The following ASH1L variants were observed in gnomAD, a reference collection of about 807,000 sequenced individuals.
ASH1L encodes histone-lysine N-methyltransferase ASH1L.
A neutral mutation model predicts 269.0 loss-of-function variants in ASH1L; 23 were observed. The observed-to-expected ratio is 0.09, with a 90% CI of 0.06 to 0.12. ASH1L has a LOEUF of 0.12. ASH1L is among the 10% of genes least tolerant of loss of function. ASH1L has a pLI of 1.00. For missense variants in ASH1L, 2,912 were observed against 3,567.8 expected (o/e 0.82, Z 4.68); for synonymous variants, 1,187 against 1,253.5 (o/e 0.95, Z 1.12).
rs1654205632 is a variant in ASH1L at position 155,354,610 on chromosome 1, T to C, written c.7076A>G (p.His2359Arg). The C allele has an allele frequency of 1.2e-6, 2 of 1,611,960 alleles. No homozygotes were observed. The highest frequency in any genetic ancestry group is 1.7e-6 in the Non-Finnish European group (2 of 1,179,592). ...NRERNFVLKH[H>R]VFLVRNWEKI... Reference sequence around the variant, plus strand: ...CTCCCAGTTTCGGACCAAGAATACATGATGCTTTAACACAAAGTTCCTGCA... The same window carrying C: ...CTCCCAGTTTCGGACCAAGAATACACGATGCTTTAACACAAAGTTCCTGCA... Residue 2359 changes from histidine (H) to arginine (R), a missense_variant, in exon 16 of 28, where the codon CAT (histidine) becomes CGT (arginine). By Grantham distance (29) the His-to-Arg change is conservative (BLOSUM62 0). Coordinates refer to ENST00000392403, the MANE Select transcript of ASH1L (RefSeq NM_018489.3).
At chr1:155,366,472 A>G (rs910783481) in intron 12 of ASH1L, among the ~76,000 whole-genome samples, 8 of 151,884 alleles carry the variant, frequency 5.3e-5, no homozygotes, top group African/African-American at 1.9e-4. Context: ...TTATTCCTTT[A>G]CTTTCTTAAT....
chr1:155,458,939 A>T (rs1399551137), intron 4 of ASH1L, among the ~76,000 whole-genome samples: 1 of 150,678 alleles, frequency 6.6e-6, no homozygotes, highest in African/African-American at 2.4e-5. Flanking sequence ...AACAGGTATA[A>T]ATCATCCTCT....
At position 155,354,457 on chromosome 1, in the gene ASH1L, G is replaced by C; in HGVS notation, c.7213+16C>G. 5 of 1,601,250 alleles carry C rather than the reference G, an allele frequency of 3.1e-6. No homozygotes were observed. The highest frequency in any genetic ancestry group is 4.3e-6 in the Non-Finnish European group (5 of 1,174,954). ...AAACTCTGTCTCAAAAAAAAGAAATGTTTCAAATGCCTTACCAGACTTGAT... is the reference window on the plus strand; with the variant it reads ...AAACTCTGTCTCAAAAAAAAGAAATCTTTCAAATGCCTTACCAGACTTGAT... On this transcript the variant is annotated intron_variant, in intron 16 of 27. Coordinates refer to ENST00000392403, the MANE Select transcript of ASH1L (RefSeq NM_018489.3).
Position 155,378,533 on chromosome 1 carries a change from C to A in ASH1L, c.6193G>T (p.Asp2065Tyr), listed in dbSNP as rs1355338214. 3 of 1,612,820 alleles carry A rather than the reference C, an allele frequency of 1.9e-6. No homozygotes were observed. In the East Asian group the frequency reaches 6.7e-5, roughly 36 times the overall value. ...CGAATTTTCTTATATAGTGGGACAT[C>A]TGGCTTTTTGTATAGCTAGAAGAAA... Reference protein sequence around the residue: ...WKHNQLYKKPDVPLYKKIRSN... With the variant: ...WKHNQLYKKPYVPLYKKIRSN... Residue 2065 changes from aspartate (D) to tyrosine (Y), a missense_variant, in exon 9 of 28, where the codon GAT becomes TAT. Physicochemically the swap from Asp to Tyr is radical, Grantham distance 160 (BLOSUM62 -3). Around this residue, in one of 13 missense-constraint regions of ASH1L, gnomAD observed 193 missense variants for 311.6 expected, o/e 0.62. Transcript: ENST00000392403.
At chr1:155,474,709 G>T (rs1399636516) in intron 3 of ASH1L, among the ~76,000 whole-genome samples, 2 of 143,762 alleles carry the variant, frequency 1.4e-5, no homozygotes, top group Non-Finnish European at 3.1e-5. Context: ...AAAAACAAAA[G>T]AAAAAAAAAA....
intron 2 of ASH1L, among the ~76,000 whole-genome samples, chr1:155,518,285 C>A (rs1195643272): frequency 1.3e-5 from 2 of 152,018 alleles, no homozygotes; most frequent in Admixed American, 6.6e-5. Flanking sequence ...AACGATAAAA[C>A]CCTCAGGAAA....
chr1:155,550,592 T>A (rs1323416065), intron 1 of ASH1L, among the ~76,000 whole-genome samples: 1 of 152,242 alleles, frequency 6.6e-6, no homozygotes. Context: ...ATAGTTGCAC[T>A]GGGTCCTTCA....
chr1:155,555,850 G>C (rs923865551), intron 1 of ASH1L, among the ~76,000 whole-genome samples: 2 of 152,148 alleles, frequency 1.3e-5, no homozygotes, highest in African/African-American at 4.8e-5. Flanking sequence ...CTATGAAGGA[G>C]TAATTCCTCA....
At chr1:155,457,230 T>C (rs1244607082) in intron 4 of ASH1L, among the ~76,000 whole-genome samples, 1 of 152,216 alleles carries the variant, frequency 6.6e-6, no homozygotes, top group Non-Finnish European at 1.5e-5. Flanking sequence ...TCAAATAATT[T>C]ATCTTCCTTG....
chr1:155,371,200 G>C (rs1019836474), intron 10 of ASH1L, among the ~76,000 whole-genome samples: 4 of 152,174 alleles, frequency 2.6e-5, no homozygotes, highest in African/African-American at 9.7e-5. Context: ...TCTTGTAAAT[G>C]ATTAAGCTAA....
At chr1:155,485,956 GA>G (rs201851090) in intron 2 of ASH1L, among the ~76,000 whole-genome samples, 1,388 of 132,618 alleles carry the variant, frequency 0.01, 11 homozygotes, top group African/African-American at 0.029. Flanking sequence ...TGTGTCTATT[GA>G]AAAAAAAAAA....
At chr1:155,471,068 A>G (rs1665058503) in intron 3 of ASH1L, among the ~76,000 whole-genome samples, 1 of 152,188 alleles carries the variant, frequency 6.6e-6, no homozygotes, top group African/African-American at 2.4e-5. Context: ...AGACAACTAA[A>G]CCTATTCTCA....
chr1:155,454,416 T>C (rs955311344), intron 4 of ASH1L, among the ~76,000 whole-genome samples: 1 of 152,208 alleles, frequency 6.6e-6, no homozygotes, highest in Non-Finnish European at 1.5e-5. Flanking sequence ...AATACAAAGA[T>C]TATGGAAGCA....
At position 155,343,188 on chromosome 1, in the gene ASH1L, C is replaced by T. The variant is rs1212147204; in HGVS notation, c.8293+126G>A. On this transcript the variant is annotated intron_variant, in intron 24 of 27. Coordinates refer to ENST00000392403, the MANE Select transcript of ASH1L (RefSeq NM_018489.3). This position sits in a 1 kb window ranked among gnomAD's most constrained non-coding sequence, Gnocchi z 6.1. ...CAGAGGCAGAGTTTTGCCACGTTGG[C>T]CAGGCTGGTCTCACACTCCTGGGCT... The T allele has an allele frequency of 4.8e-6, 5 of 1,042,588 alleles. No individual in the cohort carries two copies. The highest frequency in any genetic ancestry group is 6.9e-6 in the Non-Finnish European group (5 of 721,876). 64.6% of individuals were successfully genotyped at this position (1,042,588 alleles called of 1,614,324 possible).
intron 17 of ASH1L, 146 bp downstream of exon 17, chr1:155,352,560 T>A: frequency 1.4e-6 from 1 of 695,258 alleles, no homozygotes; most frequent in Non-Finnish European, 2.1e-6. Flanking sequence ...ATCCCAGCAC[T>A]TTGGGAGGCC....
intron 3 of ASH1L, among the ~76,000 whole-genome samples, chr1:155,464,997 C>T (rs1159973191): frequency 6.6e-6 from 1 of 151,976 alleles, no homozygotes; most frequent in Non-Finnish European, 1.5e-5. Context: ...AACCAAGAAC[C>T]TGTTTTCAAA....
intron 12 of ASH1L, among the ~76,000 whole-genome samples, chr1:155,361,696 T>C (rs1037781822): frequency 6.7e-6 from 1 of 149,482 alleles, no homozygotes; most frequent in African/African-American, 2.5e-5. Context: ...AGGACGAGAC[T>C]CCATCTCAAA....
chr1:155,555,782 T>G (rs1671545091), intron 1 of ASH1L, among the ~76,000 whole-genome samples: 1 of 152,206 alleles, frequency 6.6e-6, no homozygotes, highest in Non-Finnish European at 1.5e-5. Flanking sequence ...TAGAAGTAGA[T>G]GGTGTAAGTA....
At chr1:155,350,838 T>A (rs1033824066) in intron 17 of ASH1L, among the ~76,000 whole-genome samples, 1 of 151,560 alleles carries the variant, frequency 6.6e-6, no homozygotes, top group East Asian at 2.0e-4. Flanking sequence ...GGAGAGTTGC[T>A]TGAAGCCGGG....
Sources: gnomAD v4.1 joint callset for allele counts (sites outside exome capture counted in the v4.1 genomes callset) on GRCh38, gnomAD v4.1.1 for gene constraint, gnomAD v4.1.1 regional missense constraint, Gnocchi (gnomAD v3.1) non-coding constraint, MANE v1.5 for transcripts, NCBI Gene and HGNC (gene_info 2026-07-23, HGNC 2026-07-21) for gene names.